FIG4: variants seen among roughly 807,000 people sequenced by gnomAD.
FIG4 encodes FIG4 phosphoinositide 5-phosphatase.
A neutral mutation model predicts 118.6 loss-of-function variants in FIG4; 112 were observed. The observed-to-expected ratio is 0.94, with a 90% CI of 0.81 to 1.11. FIG4 has a LOEUF of 1.11. Among genes scored for constraint, FIG4 ranks in the 50% least tolerant of loss-of-function variants. FIG4 has a pLI of 0.00. For missense variants in FIG4, 969 were observed against 1,111.7 expected, an observed-to-expected ratio of 0.87 and a Z score of 1.83; for synonymous variants, 369 against 381.2, an observed-to-expected ratio of 0.97 and a Z score of 0.37.
intron 15 of FIG4, among the ~76,000 whole-genome samples, chr6:109,769,096 C>T (rs1020889273): frequency 1.3e-4 from 19 of 147,708 alleles, no homozygotes; most frequent in African/African-American, 4.4e-4. Flanking sequence ...ACTTAAGGAT[C>T]AAGTAATGTG....
At chr6:109,730,653 A>G (rs2128384815) in intron 4 of FIG4, among the ~76,000 whole-genome samples, 1 of 152,292 alleles carries the variant, frequency 6.6e-6, no homozygotes, top group South Asian at 2.1e-4. Flanking sequence ...CTGGAATATG[A>G]TAGAGTGAGC....
chr6:109,822,023 C>T (rs965147768), intron 22 of FIG4, among the ~76,000 whole-genome samples: 9 of 152,104 alleles, frequency 5.9e-5, no homozygotes, highest in Non-Finnish European at 1.2e-4. Flanking sequence ...CTAGGAGATA[C>T]AGGAAGACCC....
chr6:109,822,034 T>C (rs1779020458), intron 22 of FIG4, among the ~76,000 whole-genome samples: 1 of 152,078 alleles, frequency 6.6e-6, no homozygotes, highest in Non-Finnish European at 1.5e-5. Context: ...AGGAAGACCC[T>C]GTGTCTTAAA....
intron 2 of FIG4, among the ~76,000 whole-genome samples, chr6:109,715,587 T>A (rs1479608269): frequency 6.6e-6 from 1 of 152,198 alleles, no homozygotes; most frequent in Non-Finnish European, 1.5e-5. Flanking sequence ...CTCCTAAAAA[T>A]CACCTCTAGG....
In FIG4 at chr6:109,708,881, G is replaced by A. The variant is rs190773110; in HGVS notation, c.67-6197G>A. ...ATATTAGATCTCTGTCAGATGTATC[G>A]TTAGTAAAAATTTTCTCTTATTCTG... On this transcript the variant is annotated intron_variant, in intron 1 of 22. Coordinates refer to ENST00000230124, the MANE Select transcript of FIG4 (RefSeq NM_014845.6). 1.7e-3 allele frequency among the ~76,000 whole-genome samples: 260 copies of A among 152,168 alleles called. 1 individual carries two copies. The highest frequency in any genetic ancestry group is 5.3e-3 in the African/African-American group (219 of 41,518).
chr6:109,740,967 T>C (rs1355169519), intron 7 of FIG4, among the ~76,000 whole-genome samples: 1 of 151,966 alleles, frequency 6.6e-6, no homozygotes, highest in Non-Finnish European at 1.5e-5. Flanking sequence ...GCCACACACT[T>C]GCAAACAACC....
intron 15 of FIG4, among the ~76,000 whole-genome samples, chr6:109,770,944 A>G (rs574300488): frequency 6.6e-6 from 1 of 152,310 alleles, no homozygotes; most frequent in South Asian, 2.1e-4. Flanking sequence ...GCATTATGAT[A>G]GTACTCTAAA....
chr6:109,753,497 G>A (rs920545869), intron 10 of FIG4, among the ~76,000 whole-genome samples: 8 of 152,246 alleles, frequency 5.3e-5, no homozygotes, highest in Admixed American at 2.0e-4. Flanking sequence ...TTGGTAGCTT[G>A]ATGGGGATGG....
At chr6:109,717,532 ATAAG>A (rs1235877007) in intron 3 of FIG4, among the ~76,000 whole-genome samples, 2 of 152,196 alleles carry the variant, frequency 1.3e-5, no homozygotes, top group Non-Finnish European at 2.9e-5. Flanking sequence ...CTCTAAGATT[ATAAG>A]TAAGAGCCAA....
At chr6:109,759,427 GA>G (rs1189810086) in intron 10 of FIG4, among the ~76,000 whole-genome samples, 2 of 151,626 alleles carry the variant, frequency 1.3e-5, no homozygotes, top group Admixed American at 6.6e-5. Flanking sequence ...GAAAAAAAAA[GA>G]AAAAAAACTC....
At chr6:109,721,926 C>T (rs1479107587) in intron 3 of FIG4, among the ~76,000 whole-genome samples, 1 of 151,856 alleles carries the variant, frequency 6.6e-6, no homozygotes, top group East Asian at 1.9e-4. Context: ...AATTAAAATT[C>T]AATTAGAATG....
rs1323435579 is a variant in FIG4 at position 109,715,214 on chromosome 6, A to T, written c.165+38A>T. On this transcript the variant is annotated intron_variant, in intron 2 of 22. Coordinates refer to ENST00000230124, the MANE Select transcript of FIG4 (RefSeq NM_014845.6). ...CAAACCTGACTGCAAAAAAACTTTC[A>T]TACCTGTTGTTTAAAGGACATGAAA... 5 of 1,022,694 alleles carry T rather than the reference A, an allele frequency of 4.9e-6. No individual in the cohort carries two copies. The South Asian group carries it at 6.3e-5, about 13-fold the overall frequency. The allele number at this position is 1,022,694 out of a possible 1,614,324, so 63.4% of individuals were successfully genotyped here. A position where few individuals can be genotyped will look rare whatever the true frequency, so the allele number is the denominator to read the frequency against.
At chr6:109,699,489 T>G (rs1774836213) in intron 1 of FIG4, among the ~76,000 whole-genome samples, 1 of 151,738 alleles carries the variant, frequency 6.6e-6, no homozygotes, top group Admixed American at 6.6e-5. Context: ...ACGCGGTTTT[T>G]TTTTGTTTGT....
At chr6:109,801,222 C>T (rs958204453) in intron 22 of FIG4, among the ~76,000 whole-genome samples, 7 of 152,076 alleles carry the variant, frequency 4.6e-5, no homozygotes, top group South Asian at 2.1e-4. Flanking sequence ...ATTCTTCCAG[C>T]GCAGGATAAG....
At chr6:109,780,034 A>G (rs1777750400) in intron 16 of FIG4, among the ~76,000 whole-genome samples, 1 of 152,170 alleles carries the variant, frequency 6.6e-6, no homozygotes, top group African/African-American at 2.4e-5. Flanking sequence ...CAGGCTCTGG[A>G]AAGCCTGCCT....
chr6:109,743,799 T>C, intron 10 of FIG4, 27 bp downstream of exon 10: 1 of 1,532,980 alleles, frequency 6.5e-7, no homozygotes, highest in Non-Finnish European at 9.0e-7. Context: ...TGTTTGGTTA[T>C]GAGATTCAGA....
At position 109,796,754 on chromosome 6, in the gene FIG4, G is replaced by GT. The variant is rs750264693; in HGVS notation, c.2460-10dup. On this transcript the variant is annotated splice_polypyrimidine_tract_variant and intron_variant, in intron 21 of 22. Transcript: ENST00000230124. ...CTTCTTTAGCTGACTCTTATCCATT[G>GT]TAATTTGTAGATTTGTTCAGCTGGG... is the stretch of plus-strand genomic sequence containing the variant. 1 of 1,558,526 alleles carries GT rather than the reference G, an allele frequency of 6.4e-7. No homozygotes were observed. The highest frequency in any genetic ancestry group is 1.7e-4 in the Middle Eastern group (1 of 5,966).
In FIG4 at chr6:109,762,211, T is replaced by C; in HGVS notation, c.1388+4T>C. On this transcript the variant is annotated splice_donor_region_variant and intron_variant, in intron 12 of 22. Coordinates refer to ENST00000230124, the MANE Select transcript of FIG4 (RefSeq NM_014845.6). ...GCATTTTGCGGCCAGATGAAAAGTA[T>C]GTATGGTATTTTAAAACTTATAATA... The C allele has an allele frequency of 6.6e-7, 1 of 1,517,364 alleles. No individual in the cohort carries two copies. The highest frequency in any genetic ancestry group is 9.2e-7 in the Non-Finnish European group (1 of 1,091,786). The allele number at this position is 1,517,364 out of a possible 1,614,324, so 94.0% of individuals were successfully genotyped here.
chr6:109,723,192 C>T (rs1775663513), intron 3 of FIG4, among the ~76,000 whole-genome samples: 1 of 151,668 alleles, frequency 6.6e-6, no homozygotes, highest in South Asian at 2.1e-4. Flanking sequence ...GGTTGTTTTC[C>T]TAGGAAAGAG....
Sources: allele counts gnomAD v4.1 joint callset (sites outside exome capture counted in the v4.1 genomes callset), GRCh38; gene constraint gnomAD v4.1.1; transcripts MANE v1.5; gene names NCBI Gene and HGNC (gene_info 2026-07-23, HGNC 2026-07-21).